KIF18A: variants seen among roughly 807,000 people sequenced by gnomAD.
The protein encoded by KIF18A is kinesin family member 18A.
Under a neutral mutation model 103.3 loss-of-function variants are expected in KIF18A, and 67 were observed. The observed-to-expected ratio is 0.65, with a 90% CI of 0.53 to 0.79. The LOEUF (loss-of-function observed/expected upper bound fraction) is 0.79. Among genes scored for constraint, KIF18A ranks in the 30% least tolerant of loss-of-function variants. The pLI, the probability that KIF18A is intolerant of heterozygous loss-of-function variation, is 0.00. For synonymous variants in KIF18A, 367 were observed against 355.5 expected (o/e 1.03, Z -0.36); for missense variants, 1,032 against 1,062.5 (o/e 0.97, Z 0.40).
chr11:28,077,644 T>C (rs1021435140), intron 9 of KIF18A, among the ~76,000 whole-genome samples: 2 of 152,192 alleles, frequency 1.3e-5, no homozygotes, highest in African/African-American at 4.8e-5. Flanking sequence ...GGCATAATCA[T>C]ATGGTGCCTC....
intron 15 of KIF18A, among the ~76,000 whole-genome samples, chr11:28,027,686 A>G (rs1850339062): frequency 2.0e-5 from 3 of 151,972 alleles, no homozygotes; most frequent in Admixed American, 2.0e-4. Flanking sequence ...AATAATAAGT[A>G]ACAAAATCAA....
At chr11:28,093,733 A>T (rs1230419449) in intron 3 of KIF18A, among the ~76,000 whole-genome samples, 2 of 152,310 alleles carry the variant, frequency 1.3e-5, no homozygotes, top group African/African-American at 4.8e-5. Flanking sequence ...TCTTCCTTAT[A>T]GTAGAAAGTC....
rs1424837119 is a variant in KIF18A at position 28,064,006 on chromosome 11, T to A, written c.1591-1490A>T. On this transcript the variant is annotated intron_variant, in intron 11 of 16. Transcript: ENST00000263181. ...TAGAAAGTACTTCCAATGCCAGTTATTGAGACTATGACAGAGAACAATGTC... is the reference window on the plus strand; with the variant it reads ...TAGAAAGTACTTCCAATGCCAGTTAATGAGACTATGACAGAGAACAATGTC... 5.3e-5 allele frequency among the ~76,000 whole-genome samples: 8 copies of A among 151,834 alleles called. No individual in the cohort carries two copies. The East Asian group carries it at 1.5e-3, about 29-fold the overall frequency.
rs190698930 is a variant in KIF18A at position 28,044,894 on chromosome 11, A to G, written c.1949-8230T>C. On this transcript the variant is annotated intron_variant, in intron 13 of 16. Coordinates refer to ENST00000263181, the MANE Select transcript of KIF18A (RefSeq NM_031217.4). ...TTTGCTATTAATAAAACCACAGCTA[A>G]AAATAAAAACAAAAACAGTGAAATC... Among the ~76,000 whole-genome samples the G allele has an allele frequency of 7.9e-5, 12 of 152,224 alleles. No individual in the cohort carries two copies. The East Asian group carries it at 1.9e-3, about 24-fold the overall frequency.
intron 13 of KIF18A, among the ~76,000 whole-genome samples, chr11:28,052,572 T>C (rs1395798416): frequency 6.6e-6 from 1 of 152,094 alleles, no homozygotes; most frequent in Non-Finnish European, 1.5e-5. Flanking sequence ...AGTGAGATCC[T>C]CCCTGACCAT....
chr11:28,089,883 C>T (rs1306655238), intron 5 of KIF18A, among the ~76,000 whole-genome samples: 2 of 152,178 alleles, frequency 1.3e-5, no homozygotes, highest in Non-Finnish European at 2.9e-5. Flanking sequence ...ATTTCAGAGA[C>T]ATCTCAGTTT....
At chr11:28,079,454 T>C (rs2133549389) in intron 9 of KIF18A, among the ~76,000 whole-genome samples, 1 of 152,178 alleles carries the variant, frequency 6.6e-6, no homozygotes, top group African/African-American at 2.4e-5. Flanking sequence ...TATGTAAAAC[T>C]TCAACACACA....
intron 13 of KIF18A, among the ~76,000 whole-genome samples, chr11:28,040,911 T>C (rs1229687967): frequency 3.3e-5 from 5 of 151,826 alleles, no homozygotes; most frequent in African/African-American, 9.7e-5. Context: ...GAATAGGACT[T>C]TTTGAAATTT....
rs532083242 is a variant in KIF18A at position 28,078,107 on chromosome 11, A to G, written c.1263-938T>C. On this transcript the variant is annotated intron_variant, in intron 9 of 16. Transcript: ENST00000263181. ...ACTTTAAAATAAAGTAAAATCAAGTACATGCATTTAAAAAAAATGTTCTAA... is the reference window on the plus strand; with the variant it reads ...ACTTTAAAATAAAGTAAAATCAAGTGCATGCATTTAAAAAAAATGTTCTAA... 2.0e-3 allele frequency among the ~76,000 whole-genome samples: 302 copies of G among 152,272 alleles called. 1 individual carries two copies. The highest frequency in any genetic ancestry group is 6.0e-3 in the African/African-American group (250 of 41,564).
chr11:28,092,042 T>C lies in KIF18A; in HGVS notation c.484-529A>G, dbSNP rs538336192. The stretch of plus-strand genomic sequence containing the variant: ...ATGTTAGCCAGGATGGTCTTGATCT[T>C]CTGACCTCGTGATCCGCCCACCTCG... On this transcript the variant is annotated intron_variant, in intron 3 of 16. Coordinates refer to ENST00000263181, the MANE Select transcript of KIF18A (RefSeq NM_031217.4). Among the ~76,000 whole-genome samples the C allele has an allele frequency of 4.8e-3, 730 of 152,174 alleles. 10 individuals carry two copies. The highest frequency in any genetic ancestry group is 0.017 in the African/African-American group (706 of 41,526).
intron 13 of KIF18A, among the ~76,000 whole-genome samples, chr11:28,047,983 T>C (rs1488326224): frequency 1.3e-5 from 2 of 152,170 alleles, no homozygotes; most frequent in Admixed American, 6.6e-5. Context: ...TATGTATGTC[T>C]ATGTATACAT....
intron 3 of KIF18A, 61 bp from the exon 4 acceptor site, chr11:28,091,574 C>G: frequency 1.3e-6 from 1 of 769,036 alleles, no homozygotes; most frequent in East Asian, 2.7e-5. Flanking sequence ...GATTACATCA[C>G]ACATACACTG....
chr11:28,081,002 C>G (rs1675129607), intron 9 of KIF18A, among the ~76,000 whole-genome samples: 1 of 152,158 alleles, frequency 6.6e-6, no homozygotes, highest in Admixed American at 6.6e-5. Flanking sequence ...TTCTTTAAGT[C>G]AAAGCCTTAT....
chr11:28,077,033 T>C lies in KIF18A; in HGVS notation c.1399A>G (p.Met467Val), dbSNP rs750414225. 4.0e-5 allele frequency: 61 copies of C among 1,528,960 alleles called. No homozygotes were observed. The highest frequency in any genetic ancestry group is 5.0e-5 in the Non-Finnish European group (57 of 1,134,318). 94.7% of individuals were successfully genotyped at this position (1,528,960 alleles called of 1,614,324 possible). The change falls in exon 10 of 17, where the codon ATG becomes GTG. Residue 467 changes from methionine to valine, a missense_variant. Transcript: ENST00000263181. ...TTTTCTACTTTGTCTTCAGAACACA[T>C]CATTTCTATTTGTTTATGGCACTGT... ...QQQCHKQIEM[M>V]CSEDKVEKAT... is the part of the protein sequence containing the mutation.
At chr11:28,048,780 T>C (rs923244855) in intron 13 of KIF18A, among the ~76,000 whole-genome samples, 9 of 151,972 alleles carry the variant, frequency 5.9e-5, no homozygotes, top group Non-Finnish European at 1.0e-4. Context: ...AAAAGGAAGA[T>C]TTAATAAAGA....
In KIF18A at chr11:28,100,351, A is replaced by C. The variant is rs755537115; in HGVS notation, c.-46-2358T>G. On this transcript the variant is annotated intron_variant, in intron 1 of 16. Transcript: ENST00000263181. ...CTTTAAAAACTTTCGGGAAATCCTAAATGAAGGAGGAAACAGCGATCTATT... is the reference window on the plus strand; with the variant it reads ...CTTTAAAAACTTTCGGGAAATCCTACATGAAGGAGGAAACAGCGATCTATT... Among the ~76,000 whole-genome samples the C allele has an allele frequency of 2.6e-5, 4 of 152,186 alleles. No individual in the cohort carries two copies. In the South Asian group the frequency reaches 6.2e-4, roughly 24 times the overall value.
chr11:28,023,734 G>C lies in KIF18A; in HGVS notation c.2614+7C>G, dbSNP rs1169683685. 1.3e-6 allele frequency: 2 copies of C among 1,491,580 alleles called. No individual in the cohort carries two copies. The highest frequency in any genetic ancestry group is 1.9e-6 in the Non-Finnish European group (2 of 1,069,086). The allele number at this position is 1,491,580 out of a possible 1,614,324, so 92.4% of individuals were successfully genotyped here. On this transcript the variant is annotated splice_region_variant and intron_variant, in intron 16 of 16. Transcript: ENST00000263181. Reference sequence around the variant, plus strand: ...CATTAAATATCAAATTAAAAGCTGAGACATACCCATTGTTGGTTTGTTTTC... The same window carrying C: ...CATTAAATATCAAATTAAAAGCTGACACATACCCATTGTTGGTTTGTTTTC...
Position 28,070,910 on chromosome 11 carries a change from C to T in KIF18A, c.1426-1487G>A, listed in dbSNP as rs140145883. ...TTAAAAAATAAATTTAGGCTGGTTT[C>T]GTGGCATGTGCCTGTAGTTCCAGCT... is the stretch of plus-strand genomic sequence containing the variant. On this transcript the variant is annotated intron_variant, in intron 10 of 16. Coordinates refer to ENST00000263181, the MANE Select transcript of KIF18A (RefSeq NM_031217.4). Among the ~76,000 whole-genome samples, 232 of 152,200 alleles carry T rather than the reference C, an allele frequency of 1.5e-3. 1 individual carries two copies. Among genetic ancestry groups the T allele is most frequent in the African/African-American group, 5.2e-3 (215 of 41,550 alleles).
intron 15 of KIF18A, among the ~76,000 whole-genome samples, chr11:28,031,934 A>G (rs1051999839): frequency 2.0e-5 from 3 of 151,928 alleles, no homozygotes; most frequent in Non-Finnish European, 4.4e-5. Context: ...TTGGAAAGGA[A>G]GAAGTGAAAT....
Sources: gnomAD v4.1 joint callset for allele counts (sites outside exome capture counted in the v4.1 genomes callset) on GRCh38, gnomAD v4.1.1 for gene constraint, MANE v1.5 for transcripts, NCBI Gene and HGNC (gene_info 2026-07-23, HGNC 2026-07-21) for gene names.